Variants in ZNF423 observed in about 807,000 individuals in gnomAD.
ZNF423 encodes the protein Ebf-associated zinc finger protein.
ZNF423 carries 12 observed loss-of-function variants against 95.8 expected under a neutral mutation model. That is an observed-to-expected ratio of 0.13 (90% CI 0.08 to 0.20). The LOEUF is 0.20. Among genes scored for constraint, ZNF423 ranks in the 10% least tolerant of loss-of-function variants. ZNF423 has a pLI of 1.00. For synonymous variants in ZNF423, 749 were observed against 711.9 expected, an observed-to-expected ratio of 1.05 and a Z score of -0.83; for missense variants, 1,316 against 1,737.1, an observed-to-expected ratio of 0.76 and a Z score of 4.31.
chr16:49,566,545 G>A (rs1239920931), intron 5 of ZNF423, among the ~76,000 whole-genome samples: 1 of 152,190 alleles, frequency 6.6e-6, no homozygotes, highest in Non-Finnish European at 1.5e-5. Flanking sequence ...TGGTGGGGGA[G>A]GCCACCTCCC....
chr16:49,766,446 G>C (rs1414487335), intron 2 of ZNF423, among the ~76,000 whole-genome samples: 4 of 152,250 alleles, frequency 2.6e-5, no homozygotes, highest in African/African-American at 9.6e-5. Context: ...CCGTCAGCTA[G>C]AGGGAGACCT....
In ZNF423 at chr16:49,589,918, G is replaced by A. The variant is rs559263299; in HGVS notation, c.3601+36252C>T. On this transcript the variant is annotated intron_variant, in intron 5 of 7. Transcript: ENST00000563137. ...TGGCGTCCGCCATTAGCGGCCTGGC[G>A]CAAACACAAATGAGTGTTTTCACAA... is the stretch of plus-strand genomic sequence containing the variant. 9.2e-5 allele frequency among the ~76,000 whole-genome samples: 14 copies of A among 151,866 alleles called. No homozygotes were observed. The East Asian group carries it at 1.6e-3, about 17-fold the overall frequency.
chr16:49,614,027 G>A (rs532240516), intron 5 of ZNF423, among the ~76,000 whole-genome samples: 73 of 152,278 alleles, frequency 4.8e-4, no homozygotes, highest in African/African-American at 1.6e-3. Flanking sequence ...TCCAGACTGG[G>A]AAAAATATTT....
intron 7 of ZNF423, among the ~76,000 whole-genome samples, chr16:49,509,659 T>A (rs1192350363): frequency 2.6e-5 from 4 of 151,814 alleles, no homozygotes; most frequent in Non-Finnish European, 5.9e-5. Flanking sequence ...GGCTAAGACA[T>A]CCCCAGCCAT....
At chr16:49,784,875 G>A (rs1475705853) in intron 2 of ZNF423, among the ~76,000 whole-genome samples, 4 of 151,540 alleles carry the variant, frequency 2.6e-5, no homozygotes, top group African/African-American at 4.8e-5. Context: ...GCTTGAACCC[G>A]GGCGGTGGAG....
At chr16:49,552,434 G>A (rs748737450) in intron 5 of ZNF423, among the ~76,000 whole-genome samples, 5 of 152,186 alleles carry the variant, frequency 3.3e-5, no homozygotes, top group Non-Finnish European at 5.9e-5. Context: ...AGGGTGGAGG[G>A]GGGCAAGGGG....
chr16:49,776,406 AGAGGCCGCCCAGGCAGGCCCTGCTCC>A (rs2034120373), intron 2 of ZNF423, among the ~76,000 whole-genome samples: 1 of 152,212 alleles, frequency 6.6e-6, no homozygotes, highest in Admixed American at 6.5e-5. Flanking sequence ...AGGGGCCCCC[AGAGGCCGCCCAGGCAGGCCCTGCTCC>A]GAGGCCACCC....
At chr16:49,698,996 G>A (rs967997198) in intron 3 of ZNF423, among the ~76,000 whole-genome samples, 33 of 152,102 alleles carry the variant, frequency 2.2e-4, no homozygotes, top group African/African-American at 8.0e-4. Flanking sequence ...GTCCCCAAAG[G>A]GGCTCAAATA....
intron 6 of ZNF423, 126 bp downstream of exon 6, chr16:49,525,237 C>T (rs1051216160): frequency 3.4e-5 from 47 of 1,400,484 alleles, no homozygotes; most frequent in African/African-American, 2.1e-4. Flanking sequence ...GTATCCCCAA[C>T]GGAGTCCTGG....
At chr16:49,832,785 GACATGCCCACCT>G (rs1282714632) in intron 1 of ZNF423, among the ~76,000 whole-genome samples, 1 of 151,946 alleles carries the variant, frequency 6.6e-6, no homozygotes, top group Non-Finnish European at 1.5e-5. Flanking sequence ...GGACAGAAGA[GACATGCCCACCT>G]ACAGAAGCAG....
At chr16:49,645,767 G>A (rs896696863) in intron 3 of ZNF423, among the ~76,000 whole-genome samples, 2 of 152,130 alleles carry the variant, frequency 1.3e-5, no homozygotes, top group African/African-American at 4.8e-5. Flanking sequence ...ACTGAATCAT[G>A]GGGGTGGTTT....
In ZNF423 at chr16:49,842,410, A is replaced by AAGGAAGGAAGGAAGGAAGGC. The variant is rs1448904663; in HGVS notation, c.40+13324_40+13325insGCCTTCCTTCCTTCCTTCCT. Among the ~76,000 whole-genome samples the AAGGAAGGAAGGAAGGAAGGC allele has an allele frequency of 2.3e-3, 178 of 77,860 alleles. 1 individual carries two copies. The highest frequency in any genetic ancestry group is 0.011 in the Middle Eastern group (1 of 94). 51.1% of individuals were successfully genotyped at this position (77,860 alleles called of 152,430 possible). On this transcript the variant is annotated intron_variant, in intron 1 of 7. Coordinates refer to ENST00000563137, the MANE Select transcript of ZNF423 (RefSeq NM_001379286.1). ...GAAGGAAGGAAGGAAGGAAGGAAGG[A>AAGGAAGGAAGGAAGGAAGGC]AGGCAGGCAGGCAGGCAGGCAGGCA...
At chr16:49,693,531 CT>C (rs1350381436) in intron 3 of ZNF423, among the ~76,000 whole-genome samples, 1 of 152,184 alleles carries the variant, frequency 6.6e-6, no homozygotes, top group East Asian at 1.9e-4. Context: ...TAGACCAGCC[CT>C]GTCTTCCTTG....
intron 5 of ZNF423, among the ~76,000 whole-genome samples, chr16:49,546,967 T>G (rs1314979266): frequency 3.3e-5 from 5 of 151,202 alleles, no homozygotes; most frequent in African/African-American, 7.3e-5. Context: ...GTTTTCTCAC[T>G]GTCCAGAATG....
At chr16:49,596,579 T>C (rs1971184853) in intron 5 of ZNF423, among the ~76,000 whole-genome samples, 1 of 152,188 alleles carries the variant, frequency 6.6e-6, no homozygotes, top group South Asian at 2.1e-4. Context: ...AGTCAATATA[T>C]GGAAATGGAA....
chr16:49,519,736 G>A (rs1365084762), intron 7 of ZNF423, among the ~76,000 whole-genome samples: 1 of 152,204 alleles, frequency 6.6e-6, no homozygotes, highest in African/African-American at 2.4e-5. Context: ...GATTCAGGGT[G>A]TAAATCAGAT....
At chr16:49,748,202 G>A (rs1596963136) in intron 2 of ZNF423, among the ~76,000 whole-genome samples, 2 of 152,224 alleles carry the variant, frequency 1.3e-5, no homozygotes, top group African/African-American at 2.4e-5. Flanking sequence ...CAATAACCCC[G>A]TGTTGAATGG....
chr16:49,775,862 C>A (rs963335275), intron 2 of ZNF423, among the ~76,000 whole-genome samples: 1 of 152,208 alleles, frequency 6.6e-6, no homozygotes, highest in African/African-American at 2.4e-5. Context: ...CCTTAACGCT[C>A]GTGTCTTTTT....
chr16:49,679,656 GC>G (rs1489710915), intron 3 of ZNF423, among the ~76,000 whole-genome samples: 2 of 152,232 alleles, frequency 1.3e-5, no homozygotes, highest in African/African-American at 2.4e-5. Flanking sequence ...GCCTGCAGGT[GC>G]CCCTCGGCAC....
Sources: gnomAD v4.1 joint callset for allele counts (sites outside exome capture counted in the v4.1 genomes callset) on GRCh38, gnomAD v4.1.1 for gene constraint, MANE v1.5 for transcripts, NCBI Gene and HGNC (gene_info 2026-07-23, HGNC 2026-07-21) for gene names.